PLXNA2: variants seen among roughly 807,000 people sequenced by gnomAD.
PLXNA2 encodes the protein plexin-A2.
Under a neutral mutation model 193.5 loss-of-function variants are expected in PLXNA2, and 91 were observed. The observed-to-expected ratio is 0.47, with a 90% CI of 0.40 to 0.56. The LOEUF (loss-of-function observed/expected upper bound fraction) is 0.56. Ranked by LOEUF, PLXNA2 falls within the 20% of genes least tolerant of loss-of-function variation. The pLI is 0.00. For missense variants in PLXNA2, 1,995 were observed against 2,503.2 expected (o/e 0.80, Z 4.33); for synonymous variants, 997 against 1,027.3 (o/e 0.97, Z 0.56).
chr1:208,167,354 T>G (rs769345518), intron 3 of PLXNA2, among the ~76,000 whole-genome samples: 1 of 152,212 alleles, frequency 6.6e-6, no homozygotes, highest in Non-Finnish European at 1.5e-5. Flanking sequence ...GTTTTGAATG[T>G]ACTCCATTGC....
Position 208,216,783 on chromosome 1 carries a change from G to A in PLXNA2, c.1140C>T (p.Asn380=). The change falls in exon 2 of 32, where the codon AAC becomes AAT. Residue 380 remains asparagine (N), a synonymous_variant. Transcript: ENST00000367033. ...RLQSCYQGEG[N]LELNWLLGKD... ...TCCCCAGCAGCCAGTTGAGCTCCAG[G>A]TTGCCCTCGCCCTGGTAGCAGGACT... 6.2e-7 allele frequency: 1 copy of A among 1,614,040 alleles called. No individual in the cohort carries two copies. Among genetic ancestry groups the A allele is most frequent in the Non-Finnish European group, 8.5e-7 (1 of 1,180,036 alleles).
intron 13 of PLXNA2, among the ~76,000 whole-genome samples, chr1:208,058,242 T>G (rs1420371923): frequency 6.6e-6 from 1 of 152,242 alleles, no homozygotes; most frequent in African/African-American, 2.4e-5. Flanking sequence ...CAGGAGGGGC[T>G]GAGCTGCAGC....
intron 12 of PLXNA2, among the ~76,000 whole-genome samples, chr1:208,077,938 T>C (rs554810984): frequency 6.6e-6 from 1 of 152,202 alleles, no homozygotes; most frequent in Non-Finnish European, 1.5e-5. Flanking sequence ...GTCCGGGATA[T>C]GGTGTCTTGT....
chr1:208,054,920 G>A (rs747631067), intron 13 of PLXNA2, among the ~76,000 whole-genome samples: 6 of 152,194 alleles, frequency 3.9e-5, no homozygotes, highest in Admixed American at 1.3e-4. Flanking sequence ...TCTAGCTGAC[G>A]CTCTCTCCTA....
At chr1:208,159,930 C>G (rs1197379512) in intron 3 of PLXNA2, among the ~76,000 whole-genome samples, 1 of 152,136 alleles carries the variant, frequency 6.6e-6, no homozygotes, top group Non-Finnish European at 1.5e-5. Context: ...GGTGCCTGGC[C>G]CTGCTCCTCC....
At chr1:208,096,949 C>T in intron 6 of PLXNA2, 66 bp from the exon 7 acceptor site, 1 of 1,471,716 alleles carries the variant, frequency 6.8e-7, no homozygotes, top group Non-Finnish European at 9.2e-7. Flanking sequence ...CAGGTCCAGC[C>T]CTGCTGTGAC....
Position 208,217,429 on chromosome 1 carries a change from G to A in PLXNA2, c.494C>T (p.Thr165Met), listed in dbSNP as rs774922495. ...CACAATCACCCCGTACATGGTGCCC[G>A]TCTTGTTGACACTGGACAGGTAGTG... The part of the protein sequence containing the change: ...KEHYLSSVNK[T>M]GTMYGVIVRS... Residue 165 changes from threonine (T) to methionine (M), a missense_variant, in exon 2 of 32, where the codon ACG becomes ATG. Transcript: ENST00000367033. This position sits in a 1 kb window ranked among gnomAD's most constrained non-coding sequence, Gnocchi z 4.7. 15 of 1,614,060 alleles carry A rather than the reference G, an allele frequency of 9.3e-6. No homozygotes were observed. The highest frequency in any genetic ancestry group is 3.3e-5 in the South Asian group (3 of 91,084).
At chr1:208,127,787 T>A (rs1349672382) in intron 4 of PLXNA2, among the ~76,000 whole-genome samples, 1 of 152,148 alleles carries the variant, frequency 6.6e-6, no homozygotes, top group African/African-American at 2.4e-5. Context: ...AGCCTCAAGC[T>A]CAGTTTAGCT....
At chr1:208,123,133 T>G (rs1667857597) in intron 4 of PLXNA2, among the ~76,000 whole-genome samples, 2 of 152,194 alleles carry the variant, frequency 1.3e-5, no homozygotes, top group African/African-American at 4.8e-5. Context: ...CTGTAGGGAT[T>G]CACCTATTCT....
At chr1:208,071,220 ATCAGCATCC>A (rs1258944400) in intron 12 of PLXNA2, among the ~76,000 whole-genome samples, 34 of 152,246 alleles carry the variant, frequency 2.2e-4, no homozygotes, top group Non-Finnish European at 4.1e-4. Flanking sequence ...TCTCAGTCCC[ATCAGCATCC>A]TCAGCGGATG....
intron 3 of PLXNA2, among the ~76,000 whole-genome samples, chr1:208,182,943 C>A (rs1376462158): frequency 2.6e-5 from 4 of 152,204 alleles, no homozygotes; most frequent in African/African-American, 9.6e-5. Flanking sequence ...CATGTGGAAT[C>A]AAGCTGGGGC....
At chr1:208,171,514 C>T (rs1303893146) in intron 3 of PLXNA2, among the ~76,000 whole-genome samples, 2 of 152,274 alleles carry the variant, frequency 1.3e-5, no homozygotes, top group East Asian at 1.9e-4. Context: ...GCTCGCTAAC[C>T]TCTGATCTCT....
intron 3 of PLXNA2, among the ~76,000 whole-genome samples, chr1:208,174,040 A>T (rs910744370): frequency 2.6e-5 from 4 of 152,160 alleles, no homozygotes; most frequent in Admixed American, 6.5e-5. Context: ...AAAAGAAGAG[A>T]AGTTGGTGGA....
chr1:208,191,270 C>T (rs950223765), intron 3 of PLXNA2, among the ~76,000 whole-genome samples: 1 of 152,176 alleles, frequency 6.6e-6, no homozygotes, highest in African/African-American at 2.4e-5. Context: ...CAAGAAGGTG[C>T]CTCAAAATTG....
At chr1:208,032,443 G>A (rs1664532101) in intron 28 of PLXNA2, among the ~76,000 whole-genome samples, 1 of 152,136 alleles carries the variant, frequency 6.6e-6, no homozygotes, top group African/African-American at 2.4e-5. Flanking sequence ...GTTATGCTGA[G>A]CATATTAGGC....
At chr1:208,172,965 T>C (rs953494603) in intron 3 of PLXNA2, among the ~76,000 whole-genome samples, 4 of 152,176 alleles carry the variant, frequency 2.6e-5, no homozygotes, top group African/African-American at 9.7e-5. Context: ...GAGGTGACTG[T>C]GAGCAAGTTA....
At chr1:208,186,972 C>T (rs1019147278) in intron 3 of PLXNA2, among the ~76,000 whole-genome samples, 24 of 151,918 alleles carry the variant, frequency 1.6e-4, no homozygotes, top group African/African-American at 5.3e-4. Flanking sequence ...CCACCCGCCT[C>T]GGCCTCCCAA....
rs112818004 is a variant in PLXNA2, at chr1:208,082,108, G to A, written c.2395+304C>T. Among the ~76,000 whole-genome samples the A allele has an allele frequency of 1.8e-4, 28 of 152,288 alleles. No individual in the cohort carries two copies. Among genetic ancestry groups the A allele is most frequent in the African/African-American group, 6.0e-4 (25 of 41,552 alleles). ...ATCTCCATTTCCAGGGAAACTAGCC[G>A]GACGTTCCTGCCTGCTGTTCTCCTA... On this transcript the variant is annotated intron_variant, in intron 11 of 31. Coordinates refer to ENST00000367033, the MANE Select transcript of PLXNA2 (RefSeq NM_025179.4). This position sits in a 1 kb window ranked among gnomAD's most constrained non-coding sequence, Gnocchi z 4.2.
At chr1:208,059,938 C>T (rs1475948489) in intron 13 of PLXNA2, among the ~76,000 whole-genome samples, 4 of 152,180 alleles carry the variant, frequency 2.6e-5, no homozygotes, top group Non-Finnish European at 5.9e-5. Flanking sequence ...CAAAGTCATG[C>T]TCTTGCTCAT....
Sources: gnomAD v4.1 joint callset for allele counts (sites outside exome capture counted in the v4.1 genomes callset) on GRCh38, gnomAD v4.1.1 for gene constraint, Gnocchi (gnomAD v3.1) non-coding constraint, MANE v1.5 for transcripts, NCBI Gene and HGNC (gene_info 2026-07-23, HGNC 2026-07-21) for gene names.